The following GALNTL6 variants were observed in gnomAD, a reference collection of about 807,000 sequenced individuals.
The protein encoded by GALNTL6 is polypeptide N-acetylgalactosaminyltransferase like 6.
In GALNTL6, 46 loss-of-function variants were observed where a neutral mutation model predicts 73.7. The ratio of observed to expected loss-of-function variants is 0.62; its 90% CI spans 0.49 to 0.80. The LOEUF (loss-of-function observed/expected upper bound fraction) is 0.80. Ranked by LOEUF, GALNTL6 falls within the 30% of genes least tolerant of loss-of-function variation. The pLI is 0.00. For missense variants in GALNTL6, 604 were observed against 755.0 expected (o/e 0.80, Z 2.34); for synonymous variants, 259 against 263.7 (o/e 0.98, Z 0.17).
At position 171,907,786 on chromosome 4, in the gene GALNTL6, C is replaced by T. The variant is rs1034918324; in HGVS notation, c.138+93068C>T. Among the ~76,000 whole-genome samples the T allele has an allele frequency of 2.2e-3, 329 of 151,468 alleles. 12 individuals carry two copies. The highest frequency in any genetic ancestry group is 7.6e-3 in the African/African-American group (309 of 40,838). ...TAACCAAAACAGCATGGTACTGTTA[C>T]CAAAACAGAGATATAGATCAATGGA... is the stretch of plus-strand genomic sequence containing the variant. On this transcript the variant is annotated intron_variant, in intron 2 of 12. Coordinates refer to ENST00000506823, the MANE Select transcript of GALNTL6 (RefSeq NM_001034845.3).
chr4:171,829,669 G>C (rs1734915184), intron 2 of GALNTL6, among the ~76,000 whole-genome samples: 6 of 152,066 alleles, frequency 3.9e-5, no homozygotes, highest in Admixed American at 3.9e-4. Flanking sequence ...AGATACAACA[G>C]TTTGATGTTA....
intron 2 of GALNTL6, among the ~76,000 whole-genome samples, chr4:171,949,302 T>C (rs1738796353): frequency 6.6e-6 from 1 of 152,180 alleles, no homozygotes; most frequent in African/African-American, 2.4e-5. Flanking sequence ...AATGTATCTT[T>C]TTTACCTGGG....
At chr4:172,458,754 G>A (rs1195635173) in intron 5 of GALNTL6, among the ~76,000 whole-genome samples, 1 of 152,164 alleles carries the variant, frequency 6.6e-6, no homozygotes, top group Non-Finnish European at 1.5e-5. Context: ...CCCAGGACCA[G>A]ACAGATTCAC....
chr4:172,503,111 G>C (rs757514963), intron 5 of GALNTL6, among the ~76,000 whole-genome samples: 2 of 152,122 alleles, frequency 1.3e-5, no homozygotes, highest in African/African-American at 4.8e-5. Context: ...TCACATTGTC[G>C]TGATGTGGCA....
chr4:172,659,186 T>G (rs935025337), intron 5 of GALNTL6, among the ~76,000 whole-genome samples: 3 of 152,204 alleles, frequency 2.0e-5, no homozygotes, highest in African/African-American at 7.2e-5. Flanking sequence ...TGGGGCAGTA[T>G]GATGCCTTCT....
At chr4:172,007,248 T>C (rs1473876304) in intron 2 of GALNTL6, among the ~76,000 whole-genome samples, 1 of 152,106 alleles carries the variant, frequency 6.6e-6, no homozygotes, top group African/African-American at 2.4e-5. Context: ...ATGTAGACTA[T>C]ATTTTTCTTT....
chr4:171,988,481 A>C (rs911071811), intron 2 of GALNTL6, among the ~76,000 whole-genome samples: 3 of 152,150 alleles, frequency 2.0e-5, no homozygotes, highest in South Asian at 2.1e-4. Context: ...GCTGGGATGA[A>C]GGGTGCAAAG....
chr4:172,745,065 G>A (rs1408570157), intron 5 of GALNTL6, among the ~76,000 whole-genome samples: 1 of 151,828 alleles, frequency 6.6e-6, no homozygotes. Context: ...GAAAGGATAT[G>A]AGAAGAAATT....
intron 2 of GALNTL6, among the ~76,000 whole-genome samples, chr4:172,170,973 T>A (rs1734801632): frequency 6.6e-6 from 1 of 152,232 alleles, no homozygotes; most frequent in Non-Finnish European, 1.5e-5. Context: ...TTTCTTATCG[T>A]CAAATAATGA....
At chr4:172,717,883 A>C (rs1372967451) in intron 5 of GALNTL6, among the ~76,000 whole-genome samples, 1 of 152,190 alleles carries the variant, frequency 6.6e-6, no homozygotes, top group Admixed American at 6.5e-5. Flanking sequence ...TTCAGAGATT[A>C]AGGGTGTGTG....
At chr4:172,762,534 T>TA (rs1468815340) in intron 5 of GALNTL6, among the ~76,000 whole-genome samples, 2 of 152,104 alleles carry the variant, frequency 1.3e-5, no homozygotes, top group Non-Finnish European at 2.9e-5. Context: ...TTTTCTAGTC[T>TA]GTTTTCTCCA....
chr4:172,853,483 T>C (rs1743949384), intron 7 of GALNTL6, among the ~76,000 whole-genome samples: 1 of 152,162 alleles, frequency 6.6e-6, no homozygotes, highest in Non-Finnish European at 1.5e-5. Context: ...TTTGACAAAG[T>C]TGTCTTTAAG....
chr4:172,225,569 G>A (rs1280790938), intron 2 of GALNTL6, among the ~76,000 whole-genome samples: 1 of 151,878 alleles, frequency 6.6e-6, no homozygotes, highest in Non-Finnish European at 1.5e-5. Context: ...CTAGACCTGA[G>A]CTGGGAAAAA....
At chr4:172,418,021 T>C (rs1730909606) in intron 5 of GALNTL6, among the ~76,000 whole-genome samples, 1 of 152,162 alleles carries the variant, frequency 6.6e-6, no homozygotes, top group African/African-American at 2.4e-5. Context: ...CCACTAAGCG[T>C]CATTAATCCT....
chr4:172,826,766 G>A (rs560805741), intron 7 of GALNTL6, among the ~76,000 whole-genome samples: 16 of 152,334 alleles, frequency 1.1e-4, no homozygotes, highest in African/African-American at 3.1e-4. Context: ...GTGAGCCCCT[G>A]ATGATCTCAC....
At chr4:172,848,626 T>G (rs184328484) in intron 7 of GALNTL6, among the ~76,000 whole-genome samples, 2 of 152,280 alleles carry the variant, frequency 1.3e-5, no homozygotes, top group Non-Finnish European at 2.9e-5. Flanking sequence ...CAACAAGAAG[T>G]CTGGCACAGC....
intron 2 of GALNTL6, among the ~76,000 whole-genome samples, chr4:172,093,557 C>T (rs1325446929): frequency 1.3e-5 from 2 of 152,052 alleles, no homozygotes; most frequent in East Asian, 1.9e-4. Flanking sequence ...CTGGGTGGGA[C>T]GCAGAGCAGG....
intron 5 of GALNTL6, among the ~76,000 whole-genome samples, chr4:172,375,405 G>GT (rs1333089230): frequency 6.6e-6 from 1 of 152,138 alleles, no homozygotes; most frequent in Non-Finnish European, 1.5e-5. Flanking sequence ...GGTCAAATTG[G>GT]TCCCAATAGC....
chr4:173,016,098 T>C (rs1668946384), intron 11 of GALNTL6, among the ~76,000 whole-genome samples: 1 of 152,344 alleles, frequency 6.6e-6, no homozygotes, highest in South Asian at 2.1e-4. Context: ...CAGAAGTCAA[T>C]AATTAAGCTT....
Sources: gnomAD v4.1 joint callset for allele counts (sites outside exome capture counted in the v4.1 genomes callset) on GRCh38, gnomAD v4.1.1 for gene constraint, MANE v1.5 for transcripts, NCBI Gene and HGNC (gene_info 2026-07-23, HGNC 2026-07-21) for gene names.